VPS13B: variants seen among roughly 807,000 people sequenced by gnomAD.
VPS13B encodes vacuolar protein sorting 13 homolog B.
A neutral mutation model predicts 426.4 loss-of-function variants in VPS13B; 285 were observed. The observed-to-expected ratio is 0.67, with a 90% CI of 0.61 to 0.74. The LOEUF (loss-of-function observed/expected upper bound fraction) is 0.74, where lower values mean the gene tolerates loss of function less well. VPS13B is among the 30% of genes least tolerant of loss of function. The pLI, the probability that VPS13B is intolerant of heterozygous loss-of-function variation, is 0.00. For synonymous variants in VPS13B, 1,676 were observed against 1,676.4 expected, an observed-to-expected ratio of 1.00 and a Z score of 0.01; for missense variants, 4,537 against 4,782.6, an observed-to-expected ratio of 0.95 and a Z score of 1.51.
chr8:99,640,016 T>TAAGAAGAAGAAG (rs1367039899), intron 33 of VPS13B, among the ~76,000 whole-genome samples: 6 of 72,512 alleles, frequency 8.3e-5, no homozygotes, highest in African/African-American at 2.4e-4. Flanking sequence ...ATAATAATAA[T>TAAGAAGAAGAAG]AATAATAATA....
rs551933357 is a variant in VPS13B, at chr8:99,096,387, C to G, written c.367C>G (p.Arg123Gly). 1 of 1,614,036 alleles carries G rather than the reference C, an allele frequency of 6.2e-7. No homozygotes were observed. The change falls in exon 4 of 62, where the codon CGG becomes GGG. Residue 123 changes from arginine (R) to glycine (G), a missense_variant. By Grantham distance (125) the Arg-to-Gly change is moderately radical. Around this residue, in one of 2 missense-constraint regions of VPS13B, gnomAD observed 226 missense variants for 308.3 expected, o/e 0.73. Transcript: ENST00000357162. ...AESTKSSIKPRRMQQAAPTDP... is the reference protein window; with the variant it reads ...AESTKSSIKPGRMQQAAPTDP... ...GAGCACAAAATCATCAATCAAACCG[C>G]GGAGAATGCAGCAGGCTGCTCCTAC...
At chr8:99,336,818 A>G (rs948007386) in intron 19 of VPS13B, among the ~76,000 whole-genome samples, 1 of 152,208 alleles carries the variant, frequency 6.6e-6, no homozygotes, top group African/African-American at 2.4e-5. Flanking sequence ...ATGAGATACC[A>G]TCTCACACCA....
chr8:99,729,382 C>T (rs1160194538), intron 39 of VPS13B, among the ~76,000 whole-genome samples: 2 of 152,198 alleles, frequency 1.3e-5, no homozygotes, highest in Non-Finnish European at 2.9e-5. Flanking sequence ...AGGCTATCTG[C>T]ATCTGGAGAA....
chr8:99,747,115 G>T (rs1810129465), intron 39 of VPS13B, among the ~76,000 whole-genome samples: 1 of 152,050 alleles, frequency 6.6e-6, no homozygotes, highest in African/African-American at 2.4e-5. Context: ...GTCCTTTCCA[G>T]TCCTGTGATT....
intron 17 of VPS13B, among the ~76,000 whole-genome samples, chr8:99,218,935 T>C (rs1815531058): frequency 6.6e-6 from 1 of 152,166 alleles, no homozygotes; most frequent in African/African-American, 2.4e-5. Flanking sequence ...TGCTATGTGA[T>C]ACAGTGATGG....
intron 30 of VPS13B, among the ~76,000 whole-genome samples, chr8:99,534,785 A>T: frequency 6.6e-6 from 1 of 152,172 alleles, no homozygotes; most frequent in Non-Finnish European, 1.5e-5. Context: ...GTAAAGGAAG[A>T]ATTGCATTTT....
intron 39 of VPS13B, among the ~76,000 whole-genome samples, chr8:99,741,216 G>A (rs1195223544): frequency 6.6e-6 from 1 of 151,930 alleles, no homozygotes; most frequent in African/African-American, 2.4e-5. Flanking sequence ...AAAGATCAAA[G>A]GACACAAAGA....
At chr8:99,808,459 T>C (rs1261672031) in intron 43 of VPS13B, among the ~76,000 whole-genome samples, 1 of 142,666 alleles carries the variant, frequency 7.0e-6, no homozygotes, top group Non-Finnish European at 1.5e-5. Flanking sequence ...GAGGTTGCAG[T>C]GAGCTGAGAT....
intron 43 of VPS13B, among the ~76,000 whole-genome samples, chr8:99,803,675 T>C (rs777712200): frequency 1.3e-5 from 2 of 152,214 alleles, no homozygotes; most frequent in Non-Finnish European, 2.9e-5. Context: ...TTTGGCATTA[T>C]TTCAGATAAC....
At chr8:99,717,782 T>C (rs996702335) in intron 37 of VPS13B, among the ~76,000 whole-genome samples, 38 of 152,366 alleles carry the variant, frequency 2.5e-4, no homozygotes, top group African/African-American at 8.9e-4. Context: ...TCATGTAACC[T>C]GTGGTCTTCT....
intron 34 of VPS13B, 95 bp from the exon 35 acceptor site, chr8:99,661,258 AC>A (rs1417175566): frequency 4.1e-6 from 6 of 1,480,594 alleles, no homozygotes; most frequent in Non-Finnish European, 5.6e-6. Flanking sequence ...CAGTTATTTA[AC>A]CAGTTTTTCT....
At chr8:99,088,500 AG>A (rs969851601) in intron 3 of VPS13B, among the ~76,000 whole-genome samples, 1 of 152,212 alleles carries the variant, frequency 6.6e-6, no homozygotes, top group African/African-American at 2.4e-5. Context: ...AAGGGGAAAA[AG>A]GAGCTGAATC....
chr8:99,813,612 T>C (rs916781380), intron 44 of VPS13B, among the ~76,000 whole-genome samples: 1 of 152,254 alleles, frequency 6.6e-6, no homozygotes, highest in African/African-American at 2.4e-5. Context: ...TGGTTTGTTA[T>C]TGTGAAAGCA....
At chr8:99,472,511 TA>T (rs139058403) in intron 24 of VPS13B, among the ~76,000 whole-genome samples, 9 of 150,066 alleles carry the variant, frequency 6.0e-5, no homozygotes, top group African/African-American at 1.2e-4. Flanking sequence ...TGAATGACAC[TA>T]AAAAAAAACT....
At chr8:99,351,433 AGAGT>A (rs1203808915) in intron 19 of VPS13B, among the ~76,000 whole-genome samples, 2 of 143,984 alleles carry the variant, frequency 1.4e-5, no homozygotes, top group African/African-American at 5.2e-5. Context: ...AGAGAGAGAG[AGAGT>A]GTGTGTGTGT....
intron 21 of VPS13B, among the ~76,000 whole-genome samples, chr8:99,409,126 C>T (rs1484815283): frequency 6.6e-6 from 1 of 151,994 alleles, no homozygotes; most frequent in East Asian, 1.9e-4. Context: ...ATCCTTAGGG[C>T]CTCAGATTCA....
chr8:99,691,131 C>G (rs974393862), intron 35 of VPS13B, among the ~76,000 whole-genome samples: 7 of 151,970 alleles, frequency 4.6e-5, no homozygotes, highest in Non-Finnish European at 8.8e-5. Context: ...TTATATGATT[C>G]CATTTCTATG....
At chr8:99,799,783 A>T (rs1223183314) in intron 43 of VPS13B, among the ~76,000 whole-genome samples, 1 of 152,230 alleles carries the variant, frequency 6.6e-6, no homozygotes. Context: ...ACATCTGAGA[A>T]CAGTTTAAAA....
At chr8:99,686,859 G>A (rs150822381) in intron 35 of VPS13B, among the ~76,000 whole-genome samples, 1 of 151,952 alleles carries the variant, frequency 6.6e-6, no homozygotes, top group Non-Finnish European at 1.5e-5. Flanking sequence ...TCCCACTGTG[G>A]GCTAGCTGGT....
Sources: allele counts gnomAD v4.1 joint callset (sites outside exome capture counted in the v4.1 genomes callset), GRCh38; gene constraint gnomAD v4.1.1; regional missense constraint gnomAD v4.1.1; transcripts MANE v1.5; gene names NCBI Gene and HGNC (gene_info 2026-07-23, HGNC 2026-07-21).